PPP1CB: variants seen among roughly 807,000 people sequenced by gnomAD.
PPP1CB encodes the protein protein phosphatase 1 catalytic subunit beta.
Under a neutral mutation model 43.7 loss-of-function variants are expected in PPP1CB, and 2 were observed. The ratio of observed to expected loss-of-function variants is 0.05; its 90% CI spans 0.02 to 0.14. PPP1CB has a LOEUF of 0.14. Ranked by LOEUF, PPP1CB falls within the 10% of genes least tolerant of loss-of-function variation. The probability of loss-of-function intolerance (pLI) is 1.00; values close to 1 mark genes in which losing one functional copy is unlikely to be tolerated. For missense variants in PPP1CB, 84 were observed against 398.0 expected (o/e 0.21, Z 6.71); for synonymous variants, 136 against 135.6 (o/e 1.00, Z -0.02).
chr2:28,776,620 A>G (rs1352216615), intron 1 of PPP1CB, among the ~76,000 whole-genome samples: 1 of 152,124 alleles, frequency 6.6e-6, no homozygotes, highest in Admixed American at 6.5e-5. Context: ...ACAGCAAAAA[A>G]CAGGACTGCA....
chr2:28,778,480 G>A (rs1188841732), intron 2 of PPP1CB: 1 of 486,076 alleles, frequency 2.1e-6, no homozygotes, highest in Non-Finnish European at 4.2e-6. Context: ...TAGACTGATG[G>A]ACTAAGAGCC....
chr2:28,767,875 T>C lies in PPP1CB; in HGVS notation c.53-8976T>C, dbSNP rs1286027683. ...ATTTGACCCCTTGGCCTTAGTTTGC[T>C]GAATACTGGTGTAGTTTTTCTGCCT... On this transcript the variant is annotated intron_variant, in intron 1 of 7. Transcript: ENST00000395366. Among the ~76,000 whole-genome samples, 3 of 152,234 alleles carry C rather than the reference T, an allele frequency of 2.0e-5. No individual in the cohort carries two copies. The East Asian group carries it at 5.8e-4, about 29-fold the overall frequency.
chr2:28,753,418 A>G (rs1666391645), intron 1 of PPP1CB, among the ~76,000 whole-genome samples: 1 of 152,230 alleles, frequency 6.6e-6, no homozygotes, highest in Non-Finnish European at 1.5e-5. Context: ...CTGTAACTAA[A>G]TACTGTGTAT....
chr2:28,798,366 T>C (rs1667538870), intron 7 of PPP1CB, among the ~76,000 whole-genome samples: 2 of 152,082 alleles, frequency 1.3e-5, no homozygotes, highest in African/African-American at 2.4e-5. Flanking sequence ...ACCCAAGATA[T>C]ATGAAAACAT....
intron 4 of PPP1CB, chr2:28,782,848 C>G (rs1667183474): frequency 6.6e-6 from 1 of 152,194 alleles, no homozygotes; most frequent in African/African-American, 2.4e-5. Context: ...GATAGATGCA[C>G]TTGCCTAGGC....
chr2:28,776,259 T>C (rs986568969), intron 1 of PPP1CB, among the ~76,000 whole-genome samples: 1 of 149,886 alleles, frequency 6.7e-6, no homozygotes, highest in Non-Finnish European at 1.5e-5. Context: ...TTTTTTCTGT[T>C]TGTTTGTTTT....
intron 4 of PPP1CB, chr2:28,782,847 A>G (rs566316362): frequency 6.6e-6 from 1 of 152,250 alleles, no homozygotes; most frequent in Non-Finnish European, 1.5e-5. Context: ...AGATAGATGC[A>G]CTTGCCTAGG....
At chr2:28,762,023 C>T (rs1216200761) in intron 1 of PPP1CB, among the ~76,000 whole-genome samples, 1 of 152,182 alleles carries the variant, frequency 6.6e-6, no homozygotes, top group Admixed American at 6.5e-5. Flanking sequence ...GTAGCTCACA[C>T]GTGTAATCTC....
intron 1 of PPP1CB, among the ~76,000 whole-genome samples, chr2:28,759,009 C>G (rs984520637): frequency 6.6e-6 from 1 of 152,164 alleles, no homozygotes; most frequent in Non-Finnish European, 1.5e-5. Context: ...GTGACCAAAA[C>G]ACTTTCTTGG....
chr2:28,781,743 C>G lies in PPP1CB; in HGVS notation c.421C>G (p.Arg141Gly), dbSNP rs1457861725. Residue 141 changes from arginine (R) to glycine (G), a missense_variant, in exon 4 of 8, where the codon CGA (arginine) becomes GGA (glycine). Around this residue, in one of 5 missense-constraint regions of PPP1CB, gnomAD observed 28 missense variants for 234.2 expected, o/e 0.12. Transcript: ENST00000395366. ...RIYGFYDECK[R>G]RFNIKLWKTF... ...TCTATCTGTTCTTTTTACAGGCAAACGAAGATTTAATATTAAATTGTGGAA... is the reference window on the plus strand; with the variant it reads ...TCTATCTGTTCTTTTTACAGGCAAAGGAAGATTTAATATTAAATTGTGGAA... 6.3e-7 allele frequency: 1 copy of G among 1,597,742 alleles called. No individual in the cohort carries two copies. The highest frequency in any genetic ancestry group is 8.5e-7 in the Non-Finnish European group (1 of 1,172,432).
At chr2:28,775,819 T>C (rs1667027430) in intron 1 of PPP1CB, among the ~76,000 whole-genome samples, 1 of 152,212 alleles carries the variant, frequency 6.6e-6, no homozygotes, top group Non-Finnish European at 1.5e-5. Flanking sequence ...GGAACTCTTC[T>C]GTCTCTCCAT....
intron 1 of PPP1CB, among the ~76,000 whole-genome samples, chr2:28,763,451 G>GA (rs11419223): frequency 0.49 from 72,678 of 147,692 alleles, 18,582 homozygotes; most frequent in Middle Eastern, 0.61. Flanking sequence ...CAGTGCAGTG[G>GA]AAAAAAAAAA....
At chr2:28,775,671 C>T (rs1162248015) in intron 1 of PPP1CB, among the ~76,000 whole-genome samples, 1 of 152,122 alleles carries the variant, frequency 6.6e-6, no homozygotes, top group Admixed American at 6.5e-5. Flanking sequence ...GCTACTGCTC[C>T]CAGCCTATTT....
At chr2:28,770,897 G>GA (rs1309605596) in intron 1 of PPP1CB, among the ~76,000 whole-genome samples, 1 of 152,082 alleles carries the variant, frequency 6.6e-6, no homozygotes, top group African/African-American at 2.4e-5. Context: ...TCCATTTAAT[G>GA]AAAAACGTGA....
upstream of PPP1CB, chr2:28,751,817 G>A (rs377326423): frequency 2.4e-4 from 111 of 465,566 alleles, no homozygotes; most frequent in East Asian, 3.9e-3. Context: ...CGTCGGCGGC[G>A]CTGGTGAGCT....
chr2:28,770,432 A>G (rs1321449298), intron 1 of PPP1CB, among the ~76,000 whole-genome samples: 1 of 151,456 alleles, frequency 6.6e-6, no homozygotes, highest in Non-Finnish European at 1.5e-5. Context: ...CACATTAATC[A>G]AATGAAAGCT....
At chr2:28,786,290 G>A (rs1209712979) in intron 5 of PPP1CB, among the ~76,000 whole-genome samples, 6 of 151,928 alleles carry the variant, frequency 3.9e-5, no homozygotes, top group African/African-American at 1.2e-4. Context: ...ATTTTTGTAT[G>A]TTTAATAGAG....
chr2:28,773,426 T>C (rs1666956906), intron 1 of PPP1CB, among the ~76,000 whole-genome samples: 1 of 152,204 alleles, frequency 6.6e-6, no homozygotes, highest in Admixed American at 6.5e-5. Flanking sequence ...TGTGATCTTA[T>C]GCGAGTTATT....
chr2:28,779,985 G>T (rs1667121277), intron 3 of PPP1CB, among the ~76,000 whole-genome samples: 1 of 152,048 alleles, frequency 6.6e-6, no homozygotes, highest in African/African-American at 2.4e-5. Context: ...CATCAGCCTA[G>T]CTGGGACTGT....
Sources: gnomAD v4.1 joint callset for allele counts (sites outside exome capture counted in the v4.1 genomes callset) on GRCh38, gnomAD v4.1.1 for gene constraint, gnomAD v4.1.1 regional missense constraint, MANE v1.5 for transcripts, NCBI Gene and HGNC (gene_info 2026-07-23, HGNC 2026-07-21) for gene names.